Variants in TENT5D observed in about 807,000 individuals in gnomAD.
TENT5D encodes cancer/testis antigen 112.
For missense variants in TENT5D, 191 were observed against 287.0 expected, an observed-to-expected ratio of 0.67 and a Z score of 2.42; for synonymous variants, 103 against 100.6, an observed-to-expected ratio of 1.02 and a Z score of -0.15.
intron 3 of TENT5D, among the ~76,000 whole-genome samples, chrX:80,385,244 A>G (rs866996452): frequency 2.7e-5 from 3 of 111,470 alleles, no homozygotes; most frequent in Middle Eastern, 4.6e-3. Context: ...ATGGAAAAGA[A>G]CAGAGCCCTC....
intron 1 of TENT5D, among the ~76,000 whole-genome samples, chrX:80,432,982 G>C (rs936272553): frequency 9.0e-6 from 1 of 111,006 alleles, no homozygotes; most frequent in African/African-American, 3.3e-5. Context: ...TACTTAGCTT[G>C]GCCTGGACCT....
At chrX:80,391,420 T>C (rs763939082) in intron 3 of TENT5D, among the ~76,000 whole-genome samples, 4 of 112,324 alleles carry the variant, frequency 3.6e-5, no homozygotes, top group Non-Finnish European at 5.6e-5. Context: ...TAAATAATAT[T>C]CTGCTACTTT....
intron 2 of TENT5D, among the ~76,000 whole-genome samples, chrX:80,338,026 A>T (rs1929886321): frequency 1.8e-5 from 2 of 112,036 alleles, no homozygotes; most frequent in Admixed American, 1.9e-4. Flanking sequence ...CGGCCTCCCA[A>T]AGTGCTAGGA....
intron 2 of TENT5D, among the ~76,000 whole-genome samples, chrX:80,339,650 A>G (rs1465873923): frequency 9.0e-6 from 1 of 110,638 alleles, no homozygotes; most frequent in Non-Finnish European, 1.9e-5. Context: ...TATCCAATTC[A>G]TAATTTGGAA....
At chrX:80,399,465 G>A (rs753209421) in intron 3 of TENT5D, among the ~76,000 whole-genome samples, 56 of 111,673 alleles carry the variant, frequency 5.0e-4, no homozygotes, top group Admixed American at 1.8e-3. Flanking sequence ...CCCATTGGTC[G>A]ATGTGTCTGT....
At chrX:80,397,474 C>T (rs1204094721) in intron 3 of TENT5D, among the ~76,000 whole-genome samples, 3 of 109,516 alleles carry the variant, frequency 2.7e-5, no homozygotes, top group Admixed American at 1.9e-4. Context: ...GGGCTCCTCA[C>T]GTCCCAGACG....
intron 3 of TENT5D, among the ~76,000 whole-genome samples, chrX:80,385,786 A>G (rs1930984343): frequency 8.9e-6 from 1 of 112,541 alleles, no homozygotes; most frequent in Non-Finnish European, 1.9e-5. Flanking sequence ...ACTTCTCAAA[A>G]GAAGACATTT....
chrX:80,365,335 A>G (rs1251359650), intron 3 of TENT5D, among the ~76,000 whole-genome samples: 3 of 111,397 alleles, frequency 2.7e-5, no homozygotes, highest in Non-Finnish European at 3.8e-5. Context: ...TAGTGTTCCT[A>G]ATGTTAAGAA....
intron 3 of TENT5D, among the ~76,000 whole-genome samples, chrX:80,391,602 G>T (rs1400132947): frequency 1.8e-5 from 2 of 111,720 alleles, no homozygotes; most frequent in Non-Finnish European, 3.8e-5. Context: ...AATGATATGG[G>T]AATCTGCTAT....
chrX:80,368,878 C>G (rs920285240), intron 3 of TENT5D, among the ~76,000 whole-genome samples: 2 of 111,654 alleles, frequency 1.8e-5, no homozygotes, highest in African/African-American at 3.2e-5. Context: ...GCTTGGGGAC[C>G]ATGGAAATCA....
Position 80,382,704 on chromosome X carries a change from G to GCCCC in TENT5D, c.-142+40147_-142+40150dup, listed in dbSNP as rs3086273. On this transcript the variant is annotated intron_variant, in intron 3 of 4. Transcript: ENST00000538312. ...TACTCAAACTTCAGCAATGGCGGAC[G>GCCCC]CCCCCCCCCCACTGCCAGGCTGCTG... Among the ~76,000 whole-genome samples, 26 of 99,373 alleles carry GCCCC rather than the reference G, an allele frequency of 2.6e-4. 1 individual carries two copies. Among genetic ancestry groups the GCCCC allele is most frequent in the African/African-American group, 8.4e-4 (23 of 27,228 alleles). 86.3% of individuals were successfully genotyped at this position (99,373 alleles called of 115,157 possible).
chrX:80,374,309 C>T (rs968472852), intron 3 of TENT5D, among the ~76,000 whole-genome samples: 4 of 111,215 alleles, frequency 3.6e-5, no homozygotes, highest in African/African-American at 1.3e-4. Flanking sequence ...AATGAACACA[C>T]GTGCGCATGA....
At chrX:80,355,544 G>T (rs112853286) in intron 3 of TENT5D, among the ~76,000 whole-genome samples, 2,827 of 111,852 alleles carry the variant, frequency 0.025, 103 homozygotes, top group African/African-American at 0.087. Context: ...TTATGTCTCT[G>T]CCAACTCTCC....
chrX:80,387,696 GC>G (rs937651956), intron 3 of TENT5D, among the ~76,000 whole-genome samples: 2 of 111,056 alleles, frequency 1.8e-5, no homozygotes, highest in Admixed American at 1.9e-4. Context: ...CAAACCTGAA[GC>G]CAGCATAGCA....
At chrX:80,424,342 C>T (rs1360470503) in intron 1 of TENT5D, among the ~76,000 whole-genome samples, 2 of 111,671 alleles carry the variant, frequency 1.8e-5, no homozygotes, top group East Asian at 5.6e-4. Flanking sequence ...GCTAGTTATG[C>T]GTGTTAAGAT....
intron 3 of TENT5D, among the ~76,000 whole-genome samples, chrX:80,349,604 C>T (rs1031297614): frequency 8.1e-5 from 9 of 110,730 alleles, no homozygotes; most frequent in African/African-American, 3.0e-4. Context: ...AAAACAAGCT[C>T]CTGGAATCAT....
At chrX:80,440,072 G>A (rs1214959988) in intron 2 of TENT5D, among the ~76,000 whole-genome samples, 1 of 111,496 alleles carries the variant, frequency 9.0e-6, no homozygotes, top group East Asian at 2.8e-4. Context: ...CAAGGACACC[G>A]TTTCTCCACA....
chrX:80,353,315 G>A (rs781200596), intron 3 of TENT5D, among the ~76,000 whole-genome samples: 37 of 111,798 alleles, frequency 3.3e-4, no homozygotes, highest in African/African-American at 1.2e-3. Context: ...TACATATGCA[G>A]GTTTGTTCAA....
At chrX:80,351,995 T>A (rs1930186601) in intron 3 of TENT5D, among the ~76,000 whole-genome samples, 1 of 112,157 alleles carries the variant, frequency 8.9e-6, no homozygotes, top group South Asian at 3.7e-4. Context: ...CAGCAAAGAC[T>A]GTGGCCTGTT....
Sources: allele counts gnomAD v4.1 joint callset (sites outside exome capture counted in the v4.1 genomes callset), GRCh38; gene constraint gnomAD v4.1.1; transcripts MANE v1.5; gene names NCBI Gene and HGNC (gene_info 2026-07-23, HGNC 2026-07-21).